MAGEA4: variants seen among roughly 807,000 people sequenced by gnomAD.
MAGEA4 encodes the protein melanoma-associated antigen 4.
A neutral mutation model predicts 13.7 loss-of-function variants in MAGEA4; 1 was observed. That is an observed-to-expected ratio of 0.07 (90% CI 0.03 to 0.35). The LOEUF is 0.35. Ranked by LOEUF, MAGEA4 falls within the 10% of genes least tolerant of loss-of-function variation. The probability of loss-of-function intolerance (pLI) is 0.99; values close to 1 mark genes in which losing one functional copy is unlikely to be tolerated. For missense variants in MAGEA4, 312 were observed against 245.1 expected, an observed-to-expected ratio of 1.27 and a Z score of -1.82; for synonymous variants, 132 against 101.1, an observed-to-expected ratio of 1.31 and a Z score of -1.83.
In MAGEA4 at chrX:151,923,480, A is replaced by G; in HGVS notation, c.-110A>G. 1 of 1,197,402 alleles carries G rather than the reference A, an allele frequency of 8.4e-7. No homozygotes were observed. The highest frequency in any genetic ancestry group is 2.3e-4 in the Middle Eastern group (1 of 4,313). On this transcript the variant is annotated 5_prime_UTR_variant, in exon 2 of 3. Transcript: ENST00000276344. ...TCTGAGCAGACAGGCCAACCGGAGG[A>G]CAGGATTCCCTGGAGGCCACAGAGG...
intron 1 of MAGEA4, among the ~76,000 whole-genome samples, chrX:151,917,923 C>T (rs1933138093): frequency 1.1e-5 from 1 of 94,388 alleles, no homozygotes; most frequent in Non-Finnish European, 2.1e-5. Context: ...GAGGGCTAAG[C>T]GTACCCCACC....
intron 1 of MAGEA4, chrX:151,913,764 T>C (rs1933006984): frequency 1.1e-5 from 3 of 269,933 alleles, no homozygotes; most frequent in African/African-American, 9.0e-5. Context: ...GAGCTTGGGT[T>C]GATTAGTGTA....
chrX:151,924,702 T>G lies in MAGEA4; in HGVS notation c.*84T>G. On this transcript the variant is annotated 3_prime_UTR_variant, in exon 3 of 3. Coordinates refer to ENST00000276344, the MANE Select transcript of MAGEA4 (RefSeq NM_001011548.1). ...GCCCTGTGCAGCAGCTTCCCTTGCC[T>G]CGTGTAACATGAGGCCCATTCTTCA... is the stretch of plus-strand genomic sequence containing the variant. The G allele has an allele frequency of 1.0e-6, 1 of 988,631 alleles. No individual in the cohort carries two copies. Among genetic ancestry groups the G allele is most frequent in the Non-Finnish European group, 1.4e-6 (1 of 735,556 alleles). 81.5% of individuals were successfully genotyped at this position (988,631 alleles called of 1,213,427 possible).
At position 151,924,728 on chromosome X, in the gene MAGEA4, C is replaced by T; in HGVS notation, c.*110C>T. The stretch of plus-strand genomic sequence containing the variant: ...CGTGTAACATGAGGCCCATTCTTCA[C>T]TCTGTTTGAAGAAAATAGTCAGTGT... On this transcript the variant is annotated 3_prime_UTR_variant, in exon 3 of 3. Coordinates refer to ENST00000276344, the MANE Select transcript of MAGEA4 (RefSeq NM_001011548.1). 2 of 832,027 alleles carry T rather than the reference C, an allele frequency of 2.4e-6. No homozygotes were observed. Among genetic ancestry groups the T allele is most frequent in the Non-Finnish European group, 3.3e-6 (2 of 605,795 alleles). The allele number at this position is 832,027 out of a possible 1,213,427, so 68.6% of individuals were successfully genotyped here.
intron 1 of MAGEA4, chrX:151,919,640 G>A: frequency 1.3e-6 from 1 of 753,366 alleles, no homozygotes. Flanking sequence ...CGCATTGGGG[G>A]TTAGAGAAAA....
rs1445886014 is a variant in MAGEA4, at chrX:151,924,772, A to G, written c.*154A>G. ...TCAGTGTTCTTAGTAGTGGGTTTCTATTTTGTTGGATGACTTGGAGATTTA... is the reference window on the plus strand; with the variant it reads ...TCAGTGTTCTTAGTAGTGGGTTTCTGTTTTGTTGGATGACTTGGAGATTTA... On this transcript the variant is annotated 3_prime_UTR_variant, in exon 3 of 3. Coordinates refer to ENST00000276344, the MANE Select transcript of MAGEA4 (RefSeq NM_001011548.1). The G allele has an allele frequency of 8.9e-5, 45 of 508,090 alleles. No homozygotes were observed. The East Asian group carries it at 1.7e-3, about 19-fold the overall frequency. 41.9% of individuals were successfully genotyped at this position (508,090 alleles called of 1,213,427 possible).
At chrX:151,923,160 C>T (rs111423315) in intron 1 of MAGEA4, among the ~76,000 whole-genome samples, 5 of 111,834 alleles carry the variant, frequency 4.5e-5, no homozygotes, top group African/African-American at 1.6e-4. Flanking sequence ...ACTGAGGGAC[C>T]GGGGCTGTGC....
intron 1 of MAGEA4, chrX:151,919,608 G>A (rs1264645519): frequency 8.1e-6 from 6 of 738,185 alleles, no homozygotes; most frequent in South Asian, 1.4e-4. Flanking sequence ...CGCAGGTGCC[G>A]GAATGTGATG....
Position 151,923,914 on chromosome X carries a change from C to T in MAGEA4, c.250C>T (p.Pro84Ser), listed in dbSNP as rs1369212572. The T allele has an allele frequency of 8.3e-7, 1 of 1,211,618 alleles. No individual in the cohort carries two copies. Among genetic ancestry groups the T allele is most frequent in the South Asian group, 1.8e-5 (1 of 56,954 alleles). The stretch of plus-strand genomic sequence containing the variant: ...CATCAGCTTCACTTGCTGGAGGCAA[C>T]CCAATGAGGGTTCCAGCAGCCAAGA... ...TTISFTCWRQ[P>S]NEGSSSQEEE... Residue 84 changes from proline (P) to serine (S), a missense_variant, in exon 3 of 3, where the codon CCC becomes TCC. Coordinates refer to ENST00000276344, the MANE Select transcript of MAGEA4 (RefSeq NM_001011548.1).
chrX:151,913,280 C>T (rs1237953009), intron 1 of MAGEA4, among the ~76,000 whole-genome samples: 1 of 109,282 alleles, frequency 9.2e-6, no homozygotes, highest in African/African-American at 3.3e-5. Context: ...CTTCCCATTC[C>T]CATTCGCACT....
At chrX:151,918,875 C>G (rs897188556) in intron 1 of MAGEA4, 98 of 644,031 alleles carry the variant, frequency 1.5e-4, no homozygotes, top group Admixed American at 1.1e-4. Flanking sequence ...CCCATCCACG[C>G]TGAATCTGAT....
chrX:151,912,545 G>C (rs767882076), upstream of MAGEA4: 1 of 365,861 alleles, frequency 2.7e-6, no homozygotes, highest in South Asian at 2.5e-5. Context: ...GAGGCAAGGT[G>C]GGGGCAGGCT....
chrX:151,917,849 G>A (rs1165078541), intron 1 of MAGEA4, among the ~76,000 whole-genome samples: 1 of 101,436 alleles, frequency 9.9e-6, no homozygotes, highest in Non-Finnish European at 2.0e-5. Flanking sequence ...GTCAGAGCTT[G>A]GGGTGTTTAG....
Position 151,924,859 on chromosome X carries a change from G to T in MAGEA4, c.*241G>T, listed in dbSNP as rs945783559. 5 of 344,532 alleles carry T rather than the reference G, an allele frequency of 1.5e-5. No homozygotes were observed. The highest frequency in any genetic ancestry group is 2.6e-5 in the Non-Finnish European group (5 of 195,447). The allele number at this position is 344,532 out of a possible 1,213,427, so 28.4% of individuals were successfully genotyped here. A position where few individuals can be genotyped will look rare whatever the true frequency, so the allele number is the denominator to read the frequency against. On this transcript the variant is annotated 3_prime_UTR_variant, in exon 3 of 3. Coordinates refer to ENST00000276344, the MANE Select transcript of MAGEA4 (RefSeq NM_001011548.1). ...TTAATGGATGGTTGAATTAACTTCA[G>T]CATCCAAGTTTATGAATCGTAGTTA...
intron 1 of MAGEA4, among the ~76,000 whole-genome samples, chrX:151,920,814 C>T (rs1228877042): frequency 1.8e-5 from 2 of 109,091 alleles, no homozygotes; most frequent in African/African-American, 6.7e-5. Flanking sequence ...GGCTTGAGAT[C>T]GGCAGAGGGA....
chrX:151,921,883 CTCT>C (rs1164016626), intron 1 of MAGEA4, among the ~76,000 whole-genome samples: 2 of 110,902 alleles, frequency 1.8e-5, no homozygotes, highest in East Asian at 5.7e-4. Context: ...GAGGTGCCTC[CTCT>C]TTTAGCCTCA....
chrX:151,920,555 A>G (rs1332034769), intron 1 of MAGEA4, among the ~76,000 whole-genome samples: 5 of 72,375 alleles, frequency 6.9e-5, no homozygotes, highest in African/African-American at 2.8e-4. Flanking sequence ...CCCCATTCCT[A>G]TCCCCTACCC....
intron 1 of MAGEA4, chrX:151,913,765 G>A (rs5970158): frequency 3.7e-6 from 1 of 269,589 alleles, no homozygotes; most frequent in South Asian, 1.9e-4. Flanking sequence ...AGCTTGGGTT[G>A]ATTAGTGTAA....
At chrX:151,918,046 C>G (rs1933152688) in intron 1 of MAGEA4, among the ~76,000 whole-genome samples, 1 of 59,034 alleles carries the variant, frequency 1.7e-5, no homozygotes, top group Admixed American at 2.0e-4. Context: ...CTCTGTCATA[C>G]CGCCATCTGC....
Sources: gnomAD v4.1 joint callset for allele counts (sites outside exome capture counted in the v4.1 genomes callset) on GRCh38, gnomAD v4.1.1 for gene constraint, MANE v1.5 for transcripts, NCBI Gene and HGNC (gene_info 2026-07-23, HGNC 2026-07-21) for gene names.